CPED1: variants seen among roughly 807,000 people sequenced by gnomAD.
CPED1 encodes cadherin-like and PC-esterase domain-containing protein 1.
In CPED1, 114 loss-of-function variants were observed where a neutral mutation model predicts 128.2. The ratio of observed to expected loss-of-function variants is 0.89; its 90% CI spans 0.76 to 1.04. The LOEUF (loss-of-function observed/expected upper bound fraction) is 1.04. Among genes scored for constraint, CPED1 ranks in the 50% least tolerant of loss-of-function variants. The pLI is 0.00. For missense variants in CPED1, 1,211 were observed against 1,207.1 expected (o/e 1.00, Z -0.05); for synonymous variants, 462 against 426.7 (o/e 1.08, Z -1.02).
Position 121,011,428 on chromosome 7 carries a change from T to C in CPED1, c.250-4237T>C, listed in dbSNP as rs141761169. Reference sequence around the variant, plus strand: ...TCATTCTTGCTAGTATTTACAATTCTATTGAAATAAATTTGTTAATACAAG... The same window carrying C: ...TCATTCTTGCTAGTATTTACAATTCCATTGAAATAAATTTGTTAATACAAG... On this transcript the variant is annotated intron_variant, in intron 2 of 22. Transcript: ENST00000310396. Among the ~76,000 whole-genome samples, 682 of 152,346 alleles carry C rather than the reference T, an allele frequency of 4.5e-3. 5 individuals are homozygous for C. The highest frequency in any genetic ancestry group is 0.015 in the African/African-American group (642 of 41,580).
At chr7:121,110,424 A>T (rs1795081704) in intron 7 of CPED1, among the ~76,000 whole-genome samples, 1 of 152,220 alleles carries the variant, frequency 6.6e-6, no homozygotes, top group Non-Finnish European at 1.5e-5. Context: ...GTTGACTAGG[A>T]ACTAACTGGT....
chr7:121,025,661 A>T (rs976109874), intron 3 of CPED1, among the ~76,000 whole-genome samples: 6 of 152,004 alleles, frequency 3.9e-5, no homozygotes, highest in African/African-American at 1.4e-4. Context: ...TGCATCTCCC[A>T]TCTTTCAACC....
chr7:120,989,710 A>G lies in CPED1; in HGVS notation c.89A>G (p.Tyr30Cys), dbSNP rs1393554344. The G allele has an allele frequency of 6.2e-7, 1 of 1,613,750 alleles. No individual in the cohort carries two copies. Among genetic ancestry groups the G allele is most frequent in the South Asian group, 1.1e-5 (1 of 91,032 alleles). The change falls in exon 2 of 23, where the codon TAC becomes TGC. Residue 30 changes from tyrosine to cysteine, a missense_variant. By Grantham distance (194) the Tyr-to-Cys change is radical (BLOSUM62 -2). Coordinates refer to ENST00000310396, the MANE Select transcript of CPED1 (RefSeq NM_024913.5). ...TTAGTGGTGGCAATCTGTCTCTTCTACCAGACTCTGACCCTCCGAGGGTCG... is the reference window on the plus strand; with the variant it reads ...TTAGTGGTGGCAATCTGTCTCTTCTGCCAGACTCTGACCCTCCGAGGGTCG... ...VGLVVAICLF[Y>C]QTLTLRGSRK... is the part of the protein sequence containing the mutation.
At chr7:121,056,972 A>C (rs1403097513) in intron 4 of CPED1, among the ~76,000 whole-genome samples, 1 of 104,290 alleles carries the variant, frequency 9.6e-6, no homozygotes, top group Non-Finnish European at 2.0e-5. Context: ...CATGCTCTCT[A>C]TTTTTTCTTT....
chr7:121,222,017 T>C (rs2082253466), intron 16 of CPED1, among the ~76,000 whole-genome samples: 1 of 152,220 alleles, frequency 6.6e-6, no homozygotes, highest in Non-Finnish European at 1.5e-5. Context: ...GTTTTAGTCA[T>C]GAAGTCCTTG....
intron 9 of CPED1, 49 bp downstream of exon 9, chr7:121,125,941 T>C: frequency 1.6e-6 from 2 of 1,275,622 alleles, no homozygotes; most frequent in Non-Finnish European, 2.3e-6. Context: ...TGGTGAGAGA[T>C]CAGTGTGTGT....
At chr7:121,072,817 G>T (rs1287452949) in intron 5 of CPED1, among the ~76,000 whole-genome samples, 1 of 152,154 alleles carries the variant, frequency 6.6e-6, no homozygotes, top group African/African-American at 2.4e-5. Flanking sequence ...TACTAGAAAA[G>T]TTTTTGTGTA....
At chr7:121,271,752 CA>C (rs200742879) in intron 22 of CPED1, among the ~76,000 whole-genome samples, 2 of 151,330 alleles carry the variant, frequency 1.3e-5, no homozygotes, top group African/African-American at 2.4e-5. Context: ...AAATTGCATC[CA>C]AAAAAAAGGT....
intron 22 of CPED1, among the ~76,000 whole-genome samples, chr7:121,279,396 T>G (rs1792402074): frequency 6.6e-6 from 1 of 152,006 alleles, no homozygotes; most frequent in Non-Finnish European, 1.5e-5. Flanking sequence ...TCCCTTCCAC[T>G]TGAAACCCCA....
chr7:121,062,711 G>C (rs1454500736), intron 4 of CPED1: 1 of 152,056 alleles, frequency 6.6e-6, no homozygotes. Context: ...AATCTCATCC[G>C]GAATTATAGC....
intron 5 of CPED1, among the ~76,000 whole-genome samples, chr7:121,080,850 A>G (rs1475302065): frequency 6.6e-6 from 1 of 152,158 alleles, no homozygotes; most frequent in African/African-American, 2.4e-5. Context: ...AGAGACAGAT[A>G]TTGAGCAACA....
At chr7:121,173,427 C>T (rs879746591) in intron 16 of CPED1, among the ~76,000 whole-genome samples, 5 of 152,004 alleles carry the variant, frequency 3.3e-5, no homozygotes, top group Admixed American at 6.6e-5. Flanking sequence ...TCAAGTAGGT[C>T]CCAGTATCTA....
chr7:121,122,225 C>T (rs1024375793), intron 7 of CPED1, among the ~76,000 whole-genome samples: 1 of 147,132 alleles, frequency 6.8e-6, no homozygotes, highest in Admixed American at 7.0e-5. Flanking sequence ...ACTACAGCAT[C>T]TGCCTCCCTG....
chr7:121,155,790 T>C (rs143411523), intron 16 of CPED1, among the ~76,000 whole-genome samples: 296 of 152,184 alleles, frequency 1.9e-3, no homozygotes, highest in African/African-American at 6.7e-3. Context: ...AGAAAATTGG[T>C]CTGAGCAAAG....
At chr7:121,078,795 G>C (rs1344011924) in intron 5 of CPED1, among the ~76,000 whole-genome samples, 1 of 152,142 alleles carries the variant, frequency 6.6e-6, no homozygotes, top group Non-Finnish European at 1.5e-5. Context: ...TTGGGCTGAG[G>C]CTGCTCCCAT....
chr7:121,110,936 G>A (rs1296123160), intron 7 of CPED1, among the ~76,000 whole-genome samples: 1 of 152,154 alleles, frequency 6.6e-6, no homozygotes, highest in East Asian at 1.9e-4. Flanking sequence ...ATGTGGATAC[G>A]TTTTGAAGGT....
At chr7:121,256,859 A>T (rs1791893992) in intron 18 of CPED1, among the ~76,000 whole-genome samples, 1 of 152,098 alleles carries the variant, frequency 6.6e-6, no homozygotes, top group Non-Finnish European at 1.5e-5. Context: ...AATGTGGTAC[A>T]TATATACATT....
intron 22 of CPED1, among the ~76,000 whole-genome samples, chr7:121,278,851 G>A (rs1792380537): frequency 6.6e-6 from 1 of 152,010 alleles, no homozygotes; most frequent in African/African-American, 2.4e-5. Flanking sequence ...AACTTATGTT[G>A]AACTACTATT....
intron 5 of CPED1, among the ~76,000 whole-genome samples, chr7:121,071,469 A>T (rs1421994423): frequency 1.3e-5 from 2 of 152,108 alleles, no homozygotes; most frequent in Non-Finnish European, 2.9e-5. Flanking sequence ...ACTCTCTGGT[A>T]TTAGCAGGGA....
Sources: gnomAD v4.1 joint callset for allele counts (sites outside exome capture counted in the v4.1 genomes callset) on GRCh38, gnomAD v4.1.1 for gene constraint, MANE v1.5 for transcripts, NCBI Gene and HGNC (gene_info 2026-07-23, HGNC 2026-07-21) for gene names.